Variants in AVPI1 observed in about 807,000 individuals in gnomAD.
AVPI1 encodes the protein arginine vasopressin induced 1.
A neutral mutation model predicts 11.9 loss-of-function variants in AVPI1; 9 were observed. The ratio of observed to expected loss-of-function variants is 0.76; its 90% CI spans 0.46 to 1.32. AVPI1 has a LOEUF of 1.32. Among genes scored for constraint, AVPI1 ranks in the 40% most tolerant of loss-of-function variants. The pLI, the probability that AVPI1 is intolerant of heterozygous loss-of-function variation, is 0.00. For missense variants in AVPI1, 207 were observed against 195.8 expected (o/e 1.06, Z -0.34); for synonymous variants, 68 against 78.1 (o/e 0.87, Z 0.68).
chr10:97,686,100 T>A (rs183727152), intron 1 of AVPI1, among the ~76,000 whole-genome samples: 1 of 152,268 alleles, frequency 6.6e-6, no homozygotes, highest in East Asian at 1.9e-4. Flanking sequence ...CTGGTCAACA[T>A]AGCAAGACTG....
chr10:97,685,789 C>T (rs775680588), intron 1 of AVPI1, among the ~76,000 whole-genome samples: 1 of 152,178 alleles, frequency 6.6e-6, no homozygotes, highest in Non-Finnish European at 1.5e-5. Context: ...ACATTGGCCT[C>T]CAAATCCATG....
At chr10:97,683,098 T>C (rs1473224954) in intron 1 of AVPI1, among the ~76,000 whole-genome samples, 1 of 152,212 alleles carries the variant, frequency 6.6e-6, no homozygotes, top group Non-Finnish European at 1.5e-5. Flanking sequence ...GATGCAAATA[T>C]GAGTACCAGT....
Sources: allele counts gnomAD v4.1 joint callset (sites outside exome capture counted in the v4.1 genomes callset), GRCh38; gene constraint gnomAD v4.1.1; transcripts MANE v1.5; gene names NCBI Gene and HGNC (gene_info 2026-07-23, HGNC 2026-07-21).